KLF17: variants seen among roughly 807,000 people sequenced by gnomAD.
KLF17 encodes KLF transcription factor 17, also known as Krueppel-like factor 17.
In KLF17, 31 loss-of-function variants were observed where a neutral mutation model predicts 34.2. The observed-to-expected ratio is 0.91, with a 90% confidence interval of 0.68 to 1.22. KLF17 has a LOEUF of 1.22. Among genes scored for constraint, KLF17 ranks in the 50% most tolerant of loss-of-function variants. The pLI is 0.00. For missense variants in KLF17, 478 were observed against 505.2 expected (o/e 0.95, Z 0.52); for synonymous variants, 179 against 186.7 (o/e 0.96, Z 0.34).
the KLF17 span, among the ~76,000 whole-genome samples, chr1:44,084,697 T>G: frequency 1.4e-5 from 2 of 146,426 alleles, no homozygotes; most frequent in Admixed American, 6.8e-5. Flanking sequence ...AAAAAAAAAG[T>G]TTTTGATTGG....
intron 1 of KLF17, among the ~76,000 whole-genome samples, chr1:44,125,885 AG>A (rs1318493907): frequency 6.6e-6 from 1 of 151,996 alleles, no homozygotes; most frequent in Non-Finnish European, 1.5e-5. Context: ...TGGGAAGGGG[AG>A]GGGGTTGTAA....
the KLF17 span, among the ~76,000 whole-genome samples, chr1:44,108,206 T>A: frequency 6.6e-6 from 1 of 152,248 alleles, no homozygotes; most frequent in Non-Finnish European, 1.5e-5. Context: ...TTCCCTTATA[T>A]GCGTGCTGGG....
At chr1:44,060,061 C>G in the KLF17 span, among the ~76,000 whole-genome samples, 2 of 145,148 alleles carry the variant, frequency 1.4e-5, no homozygotes, top group Non-Finnish European at 3.2e-5. Flanking sequence ...TGTTTGTGTA[C>G]CCCCCCAGGC....
At chr1:44,093,214 G>A in the KLF17 span, among the ~76,000 whole-genome samples, 1 of 150,980 alleles carries the variant, frequency 6.6e-6, no homozygotes, top group African/African-American at 2.4e-5. Flanking sequence ...CCAGCTGGTT[G>A]GGGGCCTGTG....
At chr1:44,057,314 T>C in the KLF17 span, among the ~76,000 whole-genome samples, 3 of 152,240 alleles carry the variant, frequency 2.0e-5, no homozygotes, top group African/African-American at 7.2e-5. Context: ...TCCATGCTTA[T>C]GCTGCCACAT....
chr1:44,096,550 C>A, the KLF17 span, among the ~76,000 whole-genome samples: 1 of 151,818 alleles, frequency 6.6e-6, no homozygotes, highest in Non-Finnish European at 1.5e-5. Flanking sequence ...AGGCGCCCAC[C>A]ACCACGCCTG....
the KLF17 span, among the ~76,000 whole-genome samples, chr1:44,103,100 A>G: frequency 6.6e-6 from 1 of 152,378 alleles, no homozygotes; most frequent in East Asian, 1.9e-4. Flanking sequence ...CACACAAAAA[A>G]GAAAAAAGCA....
At chr1:44,050,024 G>A in the KLF17 span, among the ~76,000 whole-genome samples, 77,114 of 152,034 alleles carry the variant, frequency 0.51, 21,301 homozygotes, top group East Asian at 0.72. Context: ...CAGGATGTCC[G>A]GTTAAGTTGA....
At chr1:44,053,903 C>T in the KLF17 span, among the ~76,000 whole-genome samples, 1 of 152,308 alleles carries the variant, frequency 6.6e-6, no homozygotes, top group East Asian at 1.9e-4. Flanking sequence ...CCAACCCAGG[C>T]CATGCCATAT....
At chr1:44,056,852 G>A in the KLF17 span, among the ~76,000 whole-genome samples, 1 of 152,010 alleles carries the variant, frequency 6.6e-6, no homozygotes. Context: ...GGGAATCTTA[G>A]AGACAAAAGG....
chr1:44,083,157 A>G, the KLF17 span, among the ~76,000 whole-genome samples: 2 of 151,766 alleles, frequency 1.3e-5, no homozygotes, highest in Non-Finnish European at 2.9e-5. Flanking sequence ...TATGTTACCC[A>G]GGCTGGGCTC....
intron 1 of KLF17, among the ~76,000 whole-genome samples, chr1:44,127,926 A>T: frequency 7.7e-6 from 1 of 129,418 alleles, no homozygotes; most frequent in Non-Finnish European, 1.7e-5. Flanking sequence ...TCTTGTATGG[A>T]TATTGTATTT....
chr1:44,126,516 TATAAC>T (rs2154311608), intron 1 of KLF17, among the ~76,000 whole-genome samples: 1 of 152,332 alleles, frequency 6.6e-6, no homozygotes, highest in South Asian at 2.1e-4. Context: ...CCAAAAAACT[TATAAC>T]AGACAAATGC....
At chr1:44,070,898 A>AT in the KLF17 span, among the ~76,000 whole-genome samples, 1 of 152,082 alleles carries the variant, frequency 6.6e-6, no homozygotes, top group South Asian at 2.1e-4. Flanking sequence ...TAGAAAGTTT[A>AT]TTTTAATTTT....
the KLF17 span, among the ~76,000 whole-genome samples, chr1:44,113,560 T>C: frequency 6.6e-6 from 1 of 150,944 alleles, no homozygotes; most frequent in Admixed American, 6.6e-5. Flanking sequence ...CAGGTAGGAG[T>C]TGGGTGGGGG....
Position 44,130,185 on chromosome 1 carries a change from G to A in KLF17, c.914G>A (p.Arg305His), listed in dbSNP as rs200840562. 9.9e-5 allele frequency: 159 copies of A among 1,611,478 alleles called. 2 individuals carry two copies. The East Asian group carries it at 1.1e-3, about 11-fold the overall frequency. ...TKRSHLVSHQ[R>H]KHTGERPYSC... ...CGCTCCCACCTCGTGAGCCACCAGC[G>A]CAAGCACACAGGTGAAGGAGGTGTC... The change falls in exon 2 of 4, where the codon CGC becomes CAC. Residue 305 changes from arginine to histidine, a missense_variant. Coordinates refer to ENST00000372299, the MANE Select transcript of KLF17 (RefSeq NM_173484.4).
At chr1:44,072,359 C>A in the KLF17 span, among the ~76,000 whole-genome samples, 17 of 151,972 alleles carry the variant, frequency 1.1e-4, no homozygotes, top group Non-Finnish European at 1.5e-5. Flanking sequence ...GCTGGAGCTG[C>A]ACATTTGTGA....
the KLF17 span, among the ~76,000 whole-genome samples, chr1:44,089,763 C>A: frequency 2.0e-5 from 3 of 152,178 alleles, no homozygotes; most frequent in African/African-American, 7.2e-5. Flanking sequence ...GAACAAAGGT[C>A]AGCAAATAAC....
chr1:44,062,536 T>G, the KLF17 span, among the ~76,000 whole-genome samples: 1 of 145,568 alleles, frequency 6.9e-6, no homozygotes, highest in South Asian at 2.3e-4. Context: ...AGACCCTATC[T>G]TTACAAAAAT....
Sources: allele counts gnomAD v4.1 joint callset (sites outside exome capture counted in the v4.1 genomes callset), GRCh38; gene constraint gnomAD v4.1.1; transcripts MANE v1.5; gene names NCBI Gene and HGNC (gene_info 2026-07-23, HGNC 2026-07-21).